Variants in CRADD observed in about 807,000 individuals in gnomAD.
CRADD encodes death domain-containing protein CRADD.
A neutral mutation model predicts 15.5 loss-of-function variants in CRADD; 9 were observed. That is an observed-to-expected ratio of 0.58 (90% CI 0.35 to 1.01). The LOEUF is 1.01. Among genes scored for constraint, CRADD ranks in the 50% least tolerant of loss-of-function variants. CRADD has a pLI of 0.02. For synonymous variants in CRADD, 118 were observed against 107.6 expected, an observed-to-expected ratio of 1.10 and a Z score of -0.60; for missense variants, 227 against 250.3, an observed-to-expected ratio of 0.91 and a Z score of 0.63.
intron 2 of CRADD, among the ~76,000 whole-genome samples, chr12:93,755,003 A>G (rs1956872402): frequency 6.6e-6 from 1 of 152,090 alleles, no homozygotes. Context: ...ACAGTTCCAC[A>G]TGGCTGGGGA....
At chr12:93,682,025 T>C (rs1199866412) in intron 2 of CRADD, among the ~76,000 whole-genome samples, 1 of 152,186 alleles carries the variant, frequency 6.6e-6, no homozygotes, top group African/African-American at 2.4e-5. Context: ...TTTTACATGT[T>C]TAAAGTAATT....
intron 2 of CRADD, among the ~76,000 whole-genome samples, chr12:93,799,158 G>A (rs1957451511): frequency 6.6e-6 from 1 of 152,176 alleles, no homozygotes; most frequent in South Asian, 2.1e-4. Context: ...AGGCCCCAAG[G>A]AATCCAAAAA....
At chr12:93,834,108 G>A (rs1249158704) in intron 2 of CRADD, among the ~76,000 whole-genome samples, 1 of 152,190 alleles carries the variant, frequency 6.6e-6, no homozygotes, top group Non-Finnish European at 1.5e-5. Flanking sequence ...TGCAGAGCCG[G>A]CACGTGAAAG....
chr12:93,751,743 A>G (rs1956831007), intron 2 of CRADD, among the ~76,000 whole-genome samples: 2 of 152,208 alleles, frequency 1.3e-5, no homozygotes, highest in Admixed American at 1.3e-4. Context: ...GTGTGCCTGT[A>G]GTCCCAGCTA....
At chr12:93,706,621 T>G (rs2136849461) in intron 2 of CRADD, among the ~76,000 whole-genome samples, 1 of 152,296 alleles carries the variant, frequency 6.6e-6, no homozygotes, top group South Asian at 2.1e-4. Context: ...TTGGGAGAAG[T>G]GATATTCATA....
At chr12:93,870,838 A>G (rs562266474) in intron 2 of CRADD, among the ~76,000 whole-genome samples, 50 of 152,344 alleles carry the variant, frequency 3.3e-4, no homozygotes, top group Admixed American at 6.5e-4. Flanking sequence ...AACCCCACAT[A>G]TCTGCCTCAG....
chr12:93,875,692 AAG>A lies in CRADD; in HGVS notation c.299-18357_299-18356del, dbSNP rs540074122. ...AAACAATCAAAGAGAACACTAATAC[AAG>A]CTCTACACCTTAACTTTGTCCCCTT... is the stretch of plus-strand genomic sequence containing the variant. On this transcript the variant is annotated intron_variant, in intron 2 of 2. Coordinates refer to the CRADD transcript ENST00000548483. Among the ~76,000 whole-genome samples, 78 of 151,370 alleles carry A rather than the reference AAG, an allele frequency of 5.2e-4. 1 individual carries two copies. The highest frequency in any genetic ancestry group is 1.5e-3 in the African/African-American group (63 of 41,244).
intron 2 of CRADD, among the ~76,000 whole-genome samples, chr12:93,686,980 T>G (rs74730228): frequency 0.012 from 1,801 of 152,288 alleles, 28 homozygotes; most frequent in African/African-American, 0.04. Context: ...GGAATGAGAT[T>G]TCACTAAAAT....
chr12:93,737,372 A>C (rs900933557), intron 2 of CRADD, among the ~76,000 whole-genome samples: 1 of 152,270 alleles, frequency 6.6e-6, no homozygotes, highest in Non-Finnish European at 1.5e-5. Flanking sequence ...CTAAAGGCAG[A>C]GTCATATACT....
At chr12:93,884,706 C>T (rs1958524191) in intron 2 of CRADD, among the ~76,000 whole-genome samples, 3 of 152,292 alleles carry the variant, frequency 2.0e-5, no homozygotes, top group Middle Eastern at 3.4e-3. Context: ...CCTCTCCTCA[C>T]CCTTCTATGT....
intron 2 of CRADD, among the ~76,000 whole-genome samples, chr12:93,804,244 TGCATTTTG>T (rs1307160701): frequency 6.6e-6 from 1 of 152,160 alleles, no homozygotes; most frequent in Non-Finnish European, 1.5e-5. Flanking sequence ...GGGTGTTTAA[TGCATTTTG>T]GCAAGAGTGA....
At chr12:93,819,022 A>T (rs974671190) in intron 2 of CRADD, among the ~76,000 whole-genome samples, 3 of 152,248 alleles carry the variant, frequency 2.0e-5, no homozygotes, top group Non-Finnish European at 2.9e-5. Flanking sequence ...TCTAGCTACA[A>T]GGCCAGTATT....
At chr12:93,767,451 T>C (rs752095067) in intron 2 of CRADD, among the ~76,000 whole-genome samples, 2 of 152,248 alleles carry the variant, frequency 1.3e-5, no homozygotes, top group African/African-American at 2.4e-5. Flanking sequence ...TTCTGTGTCC[T>C]CTATTAGATA....
chr12:93,848,913 C>T (rs1043956768), intron 2 of CRADD: 1 of 152,212 alleles, frequency 6.6e-6, no homozygotes, highest in Non-Finnish European at 1.5e-5. Flanking sequence ...CTCGTTGCCC[C>T]GTCTCATACT....
intron 2 of CRADD, among the ~76,000 whole-genome samples, chr12:93,784,501 A>T (rs1159709327): frequency 6.6e-6 from 1 of 152,098 alleles, no homozygotes. Flanking sequence ...ACCACTGTGC[A>T]GTCTCCAAGC....
At chr12:93,825,317 A>T (rs554344265) in intron 2 of CRADD, among the ~76,000 whole-genome samples, 248 of 152,328 alleles carry the variant, frequency 1.6e-3, no homozygotes, top group African/African-American at 5.8e-3. Context: ...AGCCAGAAAG[A>T]CCTGGAGCCA....
At chr12:93,822,535 C>T (rs1029768805) in intron 2 of CRADD, among the ~76,000 whole-genome samples, 1 of 152,176 alleles carries the variant, frequency 6.6e-6, no homozygotes, top group African/African-American at 2.4e-5. Flanking sequence ...AGTGGTGATC[C>T]TGGGCTCCTT....
exon 3 of CRADD, chr12:93,894,146 C>T (rs1958596137): frequency 4.3e-6 from 3 of 702,288 alleles, no homozygotes; most frequent in African/African-American, 1.7e-5. Context: ...CTGCCATCAC[C>T]CCAGACCCTA....
intron 2 of CRADD, among the ~76,000 whole-genome samples, chr12:93,763,802 C>G (rs566211054): frequency 4.6e-5 from 7 of 152,150 alleles, no homozygotes; most frequent in African/African-American, 1.7e-4. Flanking sequence ...ACTCCAGGGT[C>G]CCCCCATCTC....
Sources: allele counts gnomAD v4.1 joint callset (sites outside exome capture counted in the v4.1 genomes callset), GRCh38; gene constraint gnomAD v4.1.1; transcripts MANE v1.5; gene names NCBI Gene and HGNC (gene_info 2026-07-23, HGNC 2026-07-21).